CHODL: variants seen among roughly 807,000 people sequenced by gnomAD.
CHODL encodes the protein chondrolectin.
A neutral mutation model predicts 34.5 loss-of-function variants in CHODL; 29 were observed. That is an observed-to-expected ratio of 0.84 (90% CI 0.63 to 1.15). The LOEUF (loss-of-function observed/expected upper bound fraction) is 1.15, where lower values mean the gene tolerates loss of function less well. Among genes scored for constraint, CHODL ranks in the 50% most tolerant of loss-of-function variants. CHODL has a pLI of 0.00. For synonymous variants in CHODL, 125 were observed against 116.1 expected (o/e 1.08, Z -0.49); for missense variants, 332 against 332.5 (o/e 1.00, Z 0.01).
chr21:18,155,403 T>C (rs1432777922), intron 2 of CHODL, among the ~76,000 whole-genome samples: 1 of 152,124 alleles, frequency 6.6e-6, no homozygotes, highest in Non-Finnish European at 1.5e-5. Flanking sequence ...CCCTCCAAAG[T>C]TTCTTACAAA....
intron 1 of CHODL, among the ~76,000 whole-genome samples, chr21:17,934,577 T>G (rs1255247828): frequency 2.0e-5 from 3 of 152,202 alleles, no homozygotes; most frequent in Non-Finnish European, 4.4e-5. Flanking sequence ...TCTCTCTGTG[T>G]CTTAAAGTGT....
chr21:18,224,273 A>G (rs1320800547), intron 2 of CHODL, among the ~76,000 whole-genome samples: 1 of 152,124 alleles, frequency 6.6e-6, no homozygotes, highest in Non-Finnish European at 1.5e-5. Flanking sequence ...CTAGAATAAG[A>G]CTGATTGGTT....
intron 1 of CHODL, among the ~76,000 whole-genome samples, chr21:17,953,461 T>C (rs958429326): frequency 6.6e-6 from 1 of 151,982 alleles, no homozygotes; most frequent in African/African-American, 2.4e-5. Flanking sequence ...AATGAGATTC[T>C]GTCTCTAAAA....
At chr21:18,028,698 TAAAAA>T (rs34588468) in intron 2 of CHODL, among the ~76,000 whole-genome samples, 3 of 85,246 alleles carry the variant, frequency 3.5e-5, no homozygotes, top group African/African-American at 4.6e-5. Flanking sequence ...AAACTCCATC[TAAAAA>T]AAAAAAAAAA....
intron 1 of CHODL, among the ~76,000 whole-genome samples, chr21:17,932,348 CTGTTTGT>C (rs2063280709): frequency 6.6e-6 from 1 of 152,182 alleles, no homozygotes; most frequent in Non-Finnish European, 1.5e-5. Flanking sequence ...CACTTATACA[CTGTTTGT>C]GGGAATGTAA....
intron 1 of CHODL, among the ~76,000 whole-genome samples, chr21:17,925,228 A>G (rs1391713373): frequency 6.6e-6 from 1 of 152,220 alleles, no homozygotes; most frequent in Non-Finnish European, 1.5e-5. Context: ...ACCATGCTAC[A>G]GTGTGCATAT....
intron 2 of CHODL, among the ~76,000 whole-genome samples, chr21:18,036,298 C>T (rs1407142288): frequency 6.6e-6 from 1 of 152,010 alleles, no homozygotes; most frequent in Non-Finnish European, 1.5e-5. Context: ...TACCTGTAAT[C>T]CTTTTGGCAT....
At chr21:18,050,384 G>C (rs971292070) in intron 2 of CHODL, among the ~76,000 whole-genome samples, 1 of 151,914 alleles carries the variant, frequency 6.6e-6, no homozygotes, top group Non-Finnish European at 1.5e-5. Flanking sequence ...AGCAAGAAAG[G>C]CATTTCTGTT....
intron 1 of CHODL, among the ~76,000 whole-genome samples, chr21:18,017,137 G>A (rs149324382): frequency 4.7e-4 from 72 of 152,270 alleles, no homozygotes; most frequent in African/African-American, 1.4e-3. Context: ...AAGACTTTGC[G>A]GGATTGTTGG....
At chr21:18,212,572 T>TTATA (rs145817582) in intron 2 of CHODL, among the ~76,000 whole-genome samples, 7 of 151,440 alleles carry the variant, frequency 4.6e-5, no homozygotes, top group Non-Finnish European at 1.0e-4. Flanking sequence ...CTACAATAAT[T>TTATA]AATAAAGCCA....
intron 1 of CHODL, among the ~76,000 whole-genome samples, chr21:18,246,162 G>A (rs1211963809): frequency 6.6e-6 from 1 of 152,160 alleles, no homozygotes; most frequent in African/African-American, 2.4e-5. Flanking sequence ...ACAACCTAGG[G>A]TGAATGTGCT....
chr21:18,107,494 A>G (rs1363613880), intron 2 of CHODL, among the ~76,000 whole-genome samples: 1 of 152,254 alleles, frequency 6.6e-6, no homozygotes, highest in African/African-American at 2.4e-5. Flanking sequence ...TGAAAGCACT[A>G]GTTGTGCAAG....
chr21:17,978,643 A>C (rs1464755848), intron 1 of CHODL, among the ~76,000 whole-genome samples: 1 of 150,032 alleles, frequency 6.7e-6, no homozygotes, highest in South Asian at 2.2e-4. Context: ...GCGTGAACCC[A>C]GAAGGCGGAG....
intron 2 of CHODL, among the ~76,000 whole-genome samples, chr21:18,235,117 G>A (rs1190387804): frequency 6.6e-6 from 1 of 152,064 alleles, no homozygotes; most frequent in African/African-American, 2.4e-5. Context: ...GGTGTTGCTG[G>A]CTGATTTGTG....
At position 18,002,351 on chromosome 21, in the gene CHODL, G is replaced by A. The variant is rs540100811; in HGVS notation, c.-144-25521G>A. Among the ~76,000 whole-genome samples, 86 of 152,302 alleles carry A rather than the reference G, an allele frequency of 5.6e-4. No individual in the cohort carries two copies. In the Middle Eastern group the frequency reaches 0.01, roughly 18 times the overall value. On this transcript the variant is annotated intron_variant, in intron 1 of 6. Transcript: ENST00000400127. ...AGATAGAATCCCAGTCTTAAAAGAT[G>A]TCACAAAGAACTGGGTTCTAATTTC... is the stretch of plus-strand genomic sequence containing the variant.
At chr21:18,075,420 A>G (rs1372206936) in intron 2 of CHODL, among the ~76,000 whole-genome samples, 1 of 152,202 alleles carries the variant, frequency 6.6e-6, no homozygotes, top group Non-Finnish European at 1.5e-5. Context: ...CATGTTTACC[A>G]TACAATTCCC....
chr21:18,040,755 T>C (rs974224610), intron 2 of CHODL, among the ~76,000 whole-genome samples: 1 of 151,918 alleles, frequency 6.6e-6, no homozygotes, highest in Non-Finnish European at 1.5e-5. Flanking sequence ...TCTTGAGTGT[T>C]ATCCACAGAA....
chr21:18,207,659 CT>C (rs34259143), intron 2 of CHODL, among the ~76,000 whole-genome samples: 5 of 55,950 alleles, frequency 8.9e-5, no homozygotes, highest in African/African-American at 4.4e-4. Context: ...AATCTCTCAG[CT>C]TTTTTTTTTT....
chr21:18,060,449 C>CAAATAAATAAAT (rs58886259), intron 2 of CHODL, among the ~76,000 whole-genome samples: 5,531 of 149,042 alleles, frequency 0.037, 332 homozygotes, highest in African/African-American at 0.13. Flanking sequence ...GACTCTGTCT[C>CAAATAAATAAAT]AAATAAATAA....
Sources: gnomAD v4.1 joint callset for allele counts (sites outside exome capture counted in the v4.1 genomes callset) on GRCh38, gnomAD v4.1.1 for gene constraint, MANE v1.5 for transcripts, NCBI Gene and HGNC (gene_info 2026-07-23, HGNC 2026-07-21) for gene names.